CNTN5: variants seen among roughly 807,000 people sequenced by gnomAD.
CNTN5 encodes contactin-5.
A neutral mutation model predicts 129.1 loss-of-function variants in CNTN5; 77 were observed. The observed-to-expected ratio is 0.60, with a 90% CI of 0.50 to 0.72. The LOEUF (loss-of-function observed/expected upper bound fraction) is 0.72, where lower values mean the gene tolerates loss of function less well. Among genes scored for constraint, CNTN5 ranks in the 30% least tolerant of loss-of-function variants. The probability of loss-of-function intolerance (pLI) is 0.00; values close to 1 mark genes in which losing one functional copy is unlikely to be tolerated. For missense variants in CNTN5, 1,478 were observed against 1,328.8 expected (o/e 1.11, Z -1.75); for synonymous variants, 509 against 465.6 (o/e 1.09, Z -1.20).
At chr11:99,597,054 A>G (rs1189764841) in intron 3 of CNTN5, among the ~76,000 whole-genome samples, 2 of 152,194 alleles carry the variant, frequency 1.3e-5, no homozygotes, top group Non-Finnish European at 2.9e-5. Flanking sequence ...TATACATAGT[A>G]TTCATTTTCA....
At chr11:100,079,751 C>T (rs1450866237) in intron 13 of CNTN5, among the ~76,000 whole-genome samples, 3 of 152,044 alleles carry the variant, frequency 2.0e-5, no homozygotes, top group South Asian at 2.1e-4. Flanking sequence ...CAATCATTTC[C>T]CTTTTCATAC....
intron 2 of CNTN5, among the ~76,000 whole-genome samples, chr11:99,339,329 G>C (rs1866401764): frequency 6.6e-6 from 1 of 152,024 alleles, no homozygotes; most frequent in Non-Finnish European, 1.5e-5. Flanking sequence ...TCAGTTAAAG[G>C]GATAGAGAAT....
intron 13 of CNTN5, among the ~76,000 whole-genome samples, chr11:100,115,300 A>G (rs1009288835): frequency 6.6e-6 from 1 of 152,014 alleles, no homozygotes; most frequent in African/African-American, 2.4e-5. Context: ...CCCATCAACT[A>G]TTAAGACTAA....
chr11:99,754,821 T>A (rs1390789906), intron 3 of CNTN5, among the ~76,000 whole-genome samples: 2 of 152,192 alleles, frequency 1.3e-5, no homozygotes, highest in Non-Finnish European at 2.9e-5. Flanking sequence ...ATGCACATTC[T>A]ATGGGTTTTG....
chr11:100,029,448 T>C (rs575237995), intron 9 of CNTN5, among the ~76,000 whole-genome samples: 1 of 151,718 alleles, frequency 6.6e-6, no homozygotes, highest in African/African-American at 2.4e-5. Context: ...CCGGGCGAGG[T>C]GGCAGGCGCC....
chr11:100,025,439 G>GTTCT (rs1941368923), intron 9 of CNTN5, among the ~76,000 whole-genome samples: 1 of 152,184 alleles, frequency 6.6e-6, no homozygotes, highest in Admixed American at 6.5e-5. Context: ...TTGGGTTGGA[G>GTTCT]ACACCCCCTG....
chr11:99,314,398 A>G (rs1344935791), intron 1 of CNTN5, among the ~76,000 whole-genome samples: 1 of 152,072 alleles, frequency 6.6e-6, no homozygotes, highest in African/African-American at 2.4e-5. Flanking sequence ...CATTTATTCT[A>G]TGGGTGTGCT....
chr11:99,277,242 C>A (rs746782031), intron 1 of CNTN5, among the ~76,000 whole-genome samples: 1 of 151,708 alleles, frequency 6.6e-6, no homozygotes, highest in Non-Finnish European at 1.5e-5. Flanking sequence ...TATTTATTAA[C>A]CAGTTGGTTT....
At chr11:99,257,515 A>T (rs1297965122) in intron 1 of CNTN5, among the ~76,000 whole-genome samples, 1 of 152,122 alleles carries the variant, frequency 6.6e-6, no homozygotes, top group Admixed American at 6.6e-5. Context: ...TGTTGCAGCC[A>T]ATTTAAAGAA....
At chr11:99,062,463 G>T (rs1167736034) in intron 1 of CNTN5, among the ~76,000 whole-genome samples, 2 of 152,054 alleles carry the variant, frequency 1.3e-5, no homozygotes, top group Non-Finnish European at 2.9e-5. Flanking sequence ...CCACTGGTAT[G>T]ATGTATAGAG....
At chr11:99,652,000 C>A (rs1023051829) in intron 3 of CNTN5, among the ~76,000 whole-genome samples, 2 of 152,080 alleles carry the variant, frequency 1.3e-5, no homozygotes, top group Non-Finnish European at 2.9e-5. Context: ...ACAAACACCA[C>A]AAATGCATTA....
At chr11:99,403,072 T>G (rs1941899516) in intron 2 of CNTN5, among the ~76,000 whole-genome samples, 1 of 150,170 alleles carries the variant, frequency 6.7e-6, no homozygotes, top group African/African-American at 2.4e-5. Flanking sequence ...AGTGGCGGGA[T>G]TCCAGCTCAC....
intron 3 of CNTN5, among the ~76,000 whole-genome samples, chr11:99,643,935 A>G (rs1348131037): frequency 5.3e-5 from 8 of 152,332 alleles, no homozygotes; most frequent in Non-Finnish European, 1.0e-4. Context: ...TTAAAAATAT[A>G]AACAATTTTT....
intron 3 of CNTN5, among the ~76,000 whole-genome samples, chr11:99,577,800 G>C (rs1358758905): frequency 6.9e-6 from 1 of 145,570 alleles, no homozygotes; most frequent in Non-Finnish European, 1.5e-5. Context: ...TTATAGTGAG[G>C]AATTAATTCT....
chr11:99,960,060 T>C (rs1197531747), intron 8 of CNTN5, among the ~76,000 whole-genome samples: 1 of 152,184 alleles, frequency 6.6e-6, no homozygotes, highest in African/African-American at 2.4e-5. Context: ...TAACTTCCCT[T>C]TTTTGTTGTT....
At chr11:100,052,278 A>T (rs1013053665) in intron 9 of CNTN5, among the ~76,000 whole-genome samples, 5 of 151,840 alleles carry the variant, frequency 3.3e-5, no homozygotes, top group African/African-American at 1.2e-4. Context: ...TCGTAATGGT[A>T]AGAGACTAAA....
At chr11:99,897,541 A>G (rs1443271174) in intron 6 of CNTN5, among the ~76,000 whole-genome samples, 13 of 152,266 alleles carry the variant, frequency 8.5e-5, no homozygotes, top group African/African-American at 2.6e-4. Context: ...TTATATTACT[A>G]CAAACTAAGC....
chr11:100,339,443 C>T (rs978347973), intron 21 of CNTN5, among the ~76,000 whole-genome samples: 2 of 152,038 alleles, frequency 1.3e-5, no homozygotes, highest in African/African-American at 2.4e-5. Context: ...CCTCTCTCAT[C>T]GCTTCTGACT....
At chr11:99,104,844 A>G (rs755135866) in intron 1 of CNTN5, among the ~76,000 whole-genome samples, 47 of 152,198 alleles carry the variant, frequency 3.1e-4, no homozygotes, top group Admixed American at 7.9e-4. Flanking sequence ...CAATATTTTA[A>G]TGCAATATTT....
Sources: gnomAD v4.1 joint callset for allele counts (sites outside exome capture counted in the v4.1 genomes callset) on GRCh38, gnomAD v4.1.1 for gene constraint, MANE v1.5 for transcripts, NCBI Gene and HGNC (gene_info 2026-07-23, HGNC 2026-07-21) for gene names.